Variants in MGST2 observed in about 807,000 individuals in gnomAD.
MGST2 encodes microsomal glutathione S-transferase 2.
Under a neutral mutation model 16.6 loss-of-function variants are expected in MGST2, and 9 were observed. The observed-to-expected ratio is 0.54, with a 90% CI of 0.33 to 0.95. The LOEUF (loss-of-function observed/expected upper bound fraction) is 0.95, where lower values mean the gene tolerates loss of function less well. MGST2 is among the 40% of genes least tolerant of loss of function. The pLI is 0.03. For synonymous variants in MGST2, 79 were observed against 68.0 expected (o/e 1.16, Z -0.79); for missense variants, 159 against 175.1 (o/e 0.91, Z 0.52).
At chr4:139,700,051 T>C (rs944329598) in intron 3 of MGST2, among the ~76,000 whole-genome samples, 1 of 151,446 alleles carries the variant, frequency 6.6e-6, no homozygotes, top group African/African-American at 2.4e-5. Flanking sequence ...ATAATAATAA[T>C]TATCATTATA....
downstream of MGST2, among the ~76,000 whole-genome samples, chr4:139,742,206 T>G (rs915494613): frequency 9.3e-5 from 14 of 151,082 alleles, no homozygotes; most frequent in African/African-American, 3.4e-4. Context: ...TGAAGTGCAG[T>G]GGCACAATCT....
intron 1 of MGST2, 56 bp downstream of exon 1, chr4:139,666,133 T>TGA: frequency 1.9e-6 from 3 of 1,542,110 alleles, no homozygotes; most frequent in East Asian, 2.2e-5. Flanking sequence ...TGTGTGTGTG[T>TGA]GACAAGGCTT....
At chr4:139,708,573 A>C (rs539927776), downstream of MGST2, among the ~76,000 whole-genome samples, 1 of 152,288 alleles carries the variant, frequency 6.6e-6, no homozygotes, top group East Asian at 1.9e-4. Context: ...TATGAACTTT[A>C]AAGTAGTTTT....
intron 5 of MGST2, among the ~76,000 whole-genome samples, chr4:139,723,822 G>A (rs1039111132): frequency 2.6e-5 from 4 of 152,158 alleles, no homozygotes; most frequent in Non-Finnish European, 4.4e-5. Context: ...GCTCTCAAGC[G>A]TGGTTCCCTA....
At chr4:139,707,380 C>T (rs1727560825), downstream of MGST2, among the ~76,000 whole-genome samples, 1 of 152,060 alleles carries the variant, frequency 6.6e-6, no homozygotes, top group Non-Finnish European at 1.5e-5. Context: ...AGGACATGAA[C>T]TCTTCATTTT....
chr4:139,716,634 A>AAAG (rs1341641750), intron 5 of MGST2: 6 of 152,626 alleles, frequency 3.9e-5, no homozygotes, highest in Admixed American at 2.6e-4. Context: ...ATAAATGTTT[A>AAAG]AAGAATGATA....
intron 3 of MGST2, among the ~76,000 whole-genome samples, chr4:139,702,350 C>T (rs1157810673): frequency 1.3e-5 from 2 of 152,114 alleles, no homozygotes; most frequent in African/African-American, 2.4e-5. Flanking sequence ...TCCCCATTCT[C>T]ACTCCCAGAT....
At chr4:139,709,407 G>A (rs1727656376) in intron 5 of MGST2, among the ~76,000 whole-genome samples, 1 of 152,008 alleles carries the variant, frequency 6.6e-6, no homozygotes, top group Non-Finnish European at 1.5e-5. Context: ...ATTTAAGCAT[G>A]GAATACAGAT....
At chr4:139,670,269 CGGT>C (rs1730611624) in intron 1 of MGST2, among the ~76,000 whole-genome samples, 1 of 35,724 alleles carries the variant, frequency 2.8e-5, no homozygotes, top group African/African-American at 1.2e-4. Context: ...GGGGGGGGGG[CGGT>C]TAACAGAAAT....
chr4:139,674,466 T>C (rs1280962603), intron 1 of MGST2, among the ~76,000 whole-genome samples: 1 of 151,464 alleles, frequency 6.6e-6, no homozygotes, highest in Admixed American at 6.6e-5. Context: ...GGGAGCTATG[T>C]AGTTTTTTTT....
intron 3 of MGST2, among the ~76,000 whole-genome samples, chr4:139,698,824 C>CTT (rs202169540): frequency 2.1e-4 from 31 of 146,176 alleles, no homozygotes; most frequent in African/African-American, 5.7e-4. Context: ...TCTTCATCTT[C>CTT]TTTTTTTTTT....
intron 2 of MGST2, among the ~76,000 whole-genome samples, chr4:139,692,127 G>A (rs1255237721): frequency 6.6e-6 from 1 of 152,224 alleles, no homozygotes; most frequent in Non-Finnish European, 1.5e-5. Flanking sequence ...GCTGGGACGT[G>A]AGGTTGGGGT....
At chr4:139,686,100 T>A (rs62322575) in intron 2 of MGST2, among the ~76,000 whole-genome samples, 3 of 152,196 alleles carry the variant, frequency 2.0e-5, no homozygotes, top group Admixed American at 6.5e-5. Context: ...GAAACTTCAA[T>A]CAAATACATT....
intron 5 of MGST2, among the ~76,000 whole-genome samples, chr4:139,713,453 GTTCA>G (rs1727812160): frequency 9.5e-6 from 1 of 105,192 alleles, no homozygotes; most frequent in Non-Finnish European, 1.7e-5. Context: ...CCTCTCGTGT[GTTCA>G]TTAAGAGTGG....
chr4:139,746,237 T>C, the MGST2 span, among the ~76,000 whole-genome samples: 2 of 152,242 alleles, frequency 1.3e-5, no homozygotes, highest in Non-Finnish European at 2.9e-5. Context: ...TGGCATGTAT[T>C]CCACTAACCT....
chr4:139,667,582 G>A lies in MGST2; in HGVS notation c.58+1505G>A, dbSNP rs532977168. On this transcript the variant is annotated intron_variant, in intron 1 of 4. Transcript: ENST00000265498. ...TGTTTAATGACAAGGTGTTAGGGCC[G>A]GGCACGGTGGCTCACCCCTGTAATC... 1.1e-4 allele frequency among the ~76,000 whole-genome samples: 16 copies of A among 152,214 alleles called. 1 individual carries two copies. In the South Asian group the frequency reaches 3.3e-3, roughly 32 times the overall value.
At chr4:139,704,751 T>A (rs1727452636), downstream of MGST2, among the ~76,000 whole-genome samples, 1 of 152,018 alleles carries the variant, frequency 6.6e-6, no homozygotes, top group Non-Finnish European at 1.5e-5. Flanking sequence ...TGAAACCCTG[T>A]CTCTACTAAA....
At chr4:139,688,426 C>A (rs1726367896) in intron 2 of MGST2, among the ~76,000 whole-genome samples, 1 of 152,134 alleles carries the variant, frequency 6.6e-6, no homozygotes, top group Non-Finnish European at 1.5e-5. Context: ...CCAAAATTAA[C>A]CTGCCACAAG....
chr4:139,707,145 C>T (rs888639238), downstream of MGST2, among the ~76,000 whole-genome samples: 4 of 151,992 alleles, frequency 2.6e-5, no homozygotes, highest in African/African-American at 7.3e-5. Flanking sequence ...TGGTGTGCTG[C>T]ACCCATTAAC....
Sources: allele counts gnomAD v4.1 joint callset (sites outside exome capture counted in the v4.1 genomes callset), GRCh38; gene constraint gnomAD v4.1.1; transcripts MANE v1.5; gene names NCBI Gene and HGNC (gene_info 2026-07-23, HGNC 2026-07-21).